RAP1GDS1: variants seen among roughly 807,000 people sequenced by gnomAD.
RAP1GDS1 encodes the protein RAP1, GTP-GDP dissociation stimulator 1.
A neutral mutation model predicts 71.1 loss-of-function variants in RAP1GDS1; 35 were observed. The ratio of observed to expected loss-of-function variants is 0.49; its 90% CI spans 0.38 to 0.65. The LOEUF is 0.65. RAP1GDS1 is among the 30% of genes least tolerant of loss of function. The pLI is 0.00. For synonymous variants in RAP1GDS1, 229 were observed against 243.1 expected, an observed-to-expected ratio of 0.94 and a Z score of 0.54; for missense variants, 663 against 706.1, an observed-to-expected ratio of 0.94 and a Z score of 0.69.
intron 1 of RAP1GDS1, among the ~76,000 whole-genome samples, chr4:98,282,445 C>G (rs536654660): frequency 1.3e-5 from 2 of 151,984 alleles, no homozygotes; most frequent in Non-Finnish European, 1.5e-5. Flanking sequence ...TCTGTGGGAT[C>G]GGTGGTGATA....
At chr4:98,428,008 G>A (rs1289981402) in intron 12 of RAP1GDS1, among the ~76,000 whole-genome samples, 1 of 152,034 alleles carries the variant, frequency 6.6e-6, no homozygotes, top group Non-Finnish European at 1.5e-5. Flanking sequence ...ACAAAAATAG[G>A]CACACAGACC....
At chr4:98,433,326 C>T (rs998374809) in intron 12 of RAP1GDS1, among the ~76,000 whole-genome samples, 26 of 151,956 alleles carry the variant, frequency 1.7e-4, no homozygotes, top group African/African-American at 6.0e-4. Flanking sequence ...GGCAGGTTCT[C>T]ACTCTGTCAC....
Position 98,441,568 on chromosome 4 carries a change from A to G in RAP1GDS1, c.1697-422A>G, listed in dbSNP as rs891602882. 3.0e-6 allele frequency: 3 copies of G among 984,860 alleles called. 1 individual carries two copies. The highest frequency in any genetic ancestry group is 1.2e-4 in the Admixed American group (2 of 16,260). The allele number at this position is 984,860 out of a possible 1,614,324, so 61.0% of individuals were successfully genotyped here. A position where few individuals can be genotyped will look rare whatever the true frequency, so the allele number is the denominator to read the frequency against. Reference sequence around the variant, plus strand: ...TAATTATAACTCATTATTGTAATTAATCTTACATTGTAGAACTTGACGTCT... The same window carrying G: ...TAATTATAACTCATTATTGTAATTAGTCTTACATTGTAGAACTTGACGTCT... On this transcript the variant is annotated intron_variant, in intron 14 of 14. Coordinates refer to ENST00000408927, the MANE Select transcript of RAP1GDS1 (RefSeq NM_001100427.2).
At chr4:98,327,789 A>G (rs2110358893) in intron 2 of RAP1GDS1, among the ~76,000 whole-genome samples, 1 of 152,168 alleles carries the variant, frequency 6.6e-6, no homozygotes, top group East Asian at 1.9e-4. Context: ...CATTTGAGCA[A>G]CAAGGGAGAT....
intron 2 of RAP1GDS1, among the ~76,000 whole-genome samples, chr4:98,336,171 A>G (rs544154797): frequency 7.0e-4 from 107 of 152,278 alleles, no homozygotes; most frequent in Middle Eastern, 3.4e-3. Flanking sequence ...TGTATTTCTT[A>G]TAGGTAAATA....
chr4:98,422,746 A>T (rs4699342), intron 12 of RAP1GDS1, among the ~76,000 whole-genome samples: 26,820 of 152,224 alleles, frequency 0.18, 3,901 homozygotes, highest in African/African-American at 0.4. Flanking sequence ...CCCAGCTGGT[A>T]AGCCTCAGGA....
At chr4:98,324,632 C>G (rs1391555619) in intron 2 of RAP1GDS1, among the ~76,000 whole-genome samples, 2 of 145,428 alleles carry the variant, frequency 1.4e-5, no homozygotes, top group African/African-American at 2.7e-5. Context: ...CTACAACTAT[C>G]TGATCTTTGA....
At chr4:98,385,427 C>T (rs747111720) in intron 5 of RAP1GDS1, among the ~76,000 whole-genome samples, 47 of 151,798 alleles carry the variant, frequency 3.1e-4, no homozygotes, top group Admixed American at 5.3e-4. Flanking sequence ...GCTGTTTGGC[C>T]TTTCAAAAGC....
At chr4:98,312,279 G>A (rs1185498109) in intron 2 of RAP1GDS1, among the ~76,000 whole-genome samples, 1 of 152,002 alleles carries the variant, frequency 6.6e-6, no homozygotes, top group Non-Finnish European at 1.5e-5. Flanking sequence ...TTATGAAGAG[G>A]GAATCTTTCA....
chr4:98,381,632 A>G (rs1742037303), intron 5 of RAP1GDS1, among the ~76,000 whole-genome samples: 1 of 151,580 alleles, frequency 6.6e-6, no homozygotes. Context: ...CTAATAAGTG[A>G]AGTTTCTTTT....
chr4:98,306,301 G>C (rs1274870098), intron 2 of RAP1GDS1, among the ~76,000 whole-genome samples: 1 of 152,204 alleles, frequency 6.6e-6, no homozygotes, highest in African/African-American at 2.4e-5. Flanking sequence ...GGTAGGTTCA[G>C]AGTCCGGTGA....
rs1406427742 is a variant in RAP1GDS1 at position 98,420,090 on chromosome 4, C to G, written c.1246C>G (p.Pro416Ala). The G allele has an allele frequency of 6.2e-7, 1 of 1,603,476 alleles. No homozygotes were observed. Among genetic ancestry groups the G allele is most frequent in the Admixed American group, 1.7e-5 (1 of 59,090 alleles). The change falls in exon 11 of 15, where the codon CCT becomes GCT. Residue 416 changes from proline (P) to alanine (A), a missense_variant. By Grantham distance (27) the Pro-to-Ala change is conservative (BLOSUM62 -1). Transcript: ENST00000408927. ...TTTGAAATTTCTTAAATCTGAAATGCCTCCTGTTCAGTTCAAACTTCTGGG... is the reference window on the plus strand; with the variant it reads ...TTTGAAATTTCTTAAATCTGAAATGGCTCCTGTTCAGTTCAAACTTCTGGG... ...AVLKFLKSEMPPVQFKLLGTL... is the reference protein window; with the variant it reads ...AVLKFLKSEMAPVQFKLLGTL...
At chr4:98,279,259 A>ATAC (rs1724699437) in intron 1 of RAP1GDS1, among the ~76,000 whole-genome samples, 1 of 152,098 alleles carries the variant, frequency 6.6e-6, no homozygotes, top group South Asian at 2.1e-4. Context: ...AATAATAATA[A>ATAC]TAGGGCCACT....
intron 2 of RAP1GDS1, among the ~76,000 whole-genome samples, chr4:98,328,218 A>G (rs1408048307): frequency 2.6e-5 from 4 of 152,332 alleles, no homozygotes; most frequent in African/African-American, 9.6e-5. Flanking sequence ...TTATTTAACC[A>G]GTTGATACAA....
chr4:98,332,313 T>C (rs1029834708), intron 2 of RAP1GDS1, among the ~76,000 whole-genome samples: 2 of 152,182 alleles, frequency 1.3e-5, no homozygotes, highest in African/African-American at 4.8e-5. Context: ...CCTGGTTACA[T>C]GGAATAATTG....
intron 5 of RAP1GDS1, among the ~76,000 whole-genome samples, chr4:98,383,469 A>G (rs1742302974): frequency 6.6e-6 from 1 of 151,346 alleles, no homozygotes; most frequent in Admixed American, 6.6e-5. Context: ...TATTTTAATT[A>G]CTCCTCATTA....
intron 3 of RAP1GDS1, among the ~76,000 whole-genome samples, chr4:98,352,018 ATATT>A (rs1460786199): frequency 1.3e-5 from 2 of 150,258 alleles, no homozygotes; most frequent in African/African-American, 2.4e-5. Context: ...ATTTATATAT[ATATT>A]TATATTTATA....
At chr4:98,279,674 T>G (rs892731585) in intron 1 of RAP1GDS1, among the ~76,000 whole-genome samples, 9 of 152,196 alleles carry the variant, frequency 5.9e-5, no homozygotes, top group African/African-American at 2.2e-4. Context: ...GTTTGTTACA[T>G]AAGTATATAT....
Position 98,293,461 on chromosome 4 carries a change from GA to G in RAP1GDS1, c.59del (p.Glu20GlyfsTer4). 1 of 1,610,618 alleles carries G rather than the reference GA, an allele frequency of 6.2e-7. No homozygotes were observed. The highest frequency in any genetic ancestry group is 1.1e-5 in the South Asian group (1 of 89,920). On this transcript the variant is annotated frameshift_variant, in exon 2 of 15. Coordinates refer to ENST00000408927, the MANE Select transcript of RAP1GDS1 (RefSeq NM_001100427.2). LOFTEE classifies it high-confidence loss of function. ...GAAGATAACAGCTGTTGACAAGACT[GA>G]GGATAGTTTAGAAGGATGCTTGGAT... ...KLKITAVDKT[E>X]DSLEGCLDCL...
Sources: allele counts gnomAD v4.1 joint callset (sites outside exome capture counted in the v4.1 genomes callset), GRCh38; gene constraint gnomAD v4.1.1; transcripts MANE v1.5; gene names NCBI Gene and HGNC (gene_info 2026-07-23, HGNC 2026-07-21).